CDH4: variants seen among roughly 807,000 people sequenced by gnomAD.
CDH4 encodes the protein cadherin-4.
Under a neutral mutation model 86.0 loss-of-function variants are expected in CDH4, and 33 were observed. The ratio of observed to expected loss-of-function variants is 0.38; its 90% CI spans 0.29 to 0.51. The LOEUF is 0.51. Among genes scored for constraint, CDH4 ranks in the 20% least tolerant of loss-of-function variants. CDH4 has a pLI of 0.86. For synonymous variants in CDH4, 555 were observed against 549.4 expected (o/e 1.01, Z -0.14); for missense variants, 1,114 against 1,307.4 (o/e 0.85, Z 2.28).
At position 61,661,886 on chromosome 20, in the gene CDH4, T is replaced by G. The variant is rs951633610; in HGVS notation, c.170-81677T>G. On this transcript the variant is annotated intron_variant, in intron 2 of 15. Coordinates refer to ENST00000614565, the MANE Select transcript of CDH4 (RefSeq NM_001794.5). ...CATTTAAATGACCTCATTCACTTGATATTGTGCCGCGGTCCTGTAACATGC... is the reference window on the plus strand; with the variant it reads ...CATTTAAATGACCTCATTCACTTGAGATTGTGCCGCGGTCCTGTAACATGC... 5.3e-5 allele frequency among the ~76,000 whole-genome samples: 8 copies of G among 152,242 alleles called. No homozygotes were observed. In the East Asian group the frequency reaches 1.5e-3, roughly 29 times the overall value.
intron 2 of CDH4, among the ~76,000 whole-genome samples, chr20:61,388,619 T>C (rs2084964799): frequency 6.6e-6 from 1 of 152,240 alleles, no homozygotes; most frequent in Non-Finnish European, 1.5e-5. Flanking sequence ...GCTTCTATTC[T>C]GTCGTTAGCG....
intron 2 of CDH4, among the ~76,000 whole-genome samples, chr20:61,604,620 T>C (rs2086628326): frequency 6.6e-6 from 1 of 152,134 alleles, no homozygotes; most frequent in Admixed American, 6.5e-5. Context: ...GGGAGGTGTC[T>C]CGGTGTTTGA....
At chr20:61,553,141 A>T (rs775196271) in intron 2 of CDH4, among the ~76,000 whole-genome samples, 2 of 152,254 alleles carry the variant, frequency 1.3e-5, no homozygotes, top group Non-Finnish European at 2.9e-5. Flanking sequence ...TACAACATAG[A>T]TAAGCATTGG....
intron 2 of CDH4, among the ~76,000 whole-genome samples, chr20:61,671,552 A>G (rs1252817328): frequency 1.3e-5 from 2 of 151,844 alleles, no homozygotes; most frequent in Non-Finnish European, 2.9e-5. Context: ...TGGATGATGA[A>G]TAATAGACGG....
intron 2 of CDH4, among the ~76,000 whole-genome samples, chr20:61,560,215 CT>C (rs1229562896): frequency 1.3e-5 from 2 of 152,168 alleles, no homozygotes; most frequent in Non-Finnish European, 2.9e-5. Flanking sequence ...GTGCTCCCCA[CT>C]TTTATCAAGG....
chr20:61,660,745 G>A (rs74861306), intron 2 of CDH4, among the ~76,000 whole-genome samples: 3,040 of 152,246 alleles, frequency 0.02, 104 homozygotes, highest in African/African-American at 0.069. Context: ...GGTTTTGTTT[G>A]GCTGGCAGTT....
intron 3 of CDH4, among the ~76,000 whole-genome samples, chr20:61,758,969 GCATGGGTGTGCA>G (rs1364397035): frequency 5.9e-5 from 9 of 151,652 alleles, no homozygotes; most frequent in African/African-American, 7.2e-5. Context: ...GCACATGTGC[GCATGGGTGTGCA>G]CATGGGTGTG....
intron 7 of CDH4, among the ~76,000 whole-genome samples, chr20:61,889,946 G>T (rs907100037): frequency 4.0e-5 from 6 of 150,540 alleles, no homozygotes; most frequent in African/African-American, 1.5e-4. Flanking sequence ...ATGAGTGAGT[G>T]GATGGTTGGA....
intron 2 of CDH4, among the ~76,000 whole-genome samples, chr20:61,323,197 A>T (rs1323054441): frequency 3.3e-5 from 5 of 152,120 alleles, no homozygotes; most frequent in African/African-American, 7.2e-5. Context: ...TCCCTAGGGG[A>T]GTGTGCACCT....
chr20:61,514,439 A>G (rs1174691024), intron 2 of CDH4, among the ~76,000 whole-genome samples: 2 of 151,458 alleles, frequency 1.3e-5, no homozygotes, highest in Non-Finnish European at 2.9e-5. Context: ...GGGTTTCCAT[A>G]GGGAACGAAC....
At chr20:61,505,173 TG>T (rs2085731649) in intron 2 of CDH4, among the ~76,000 whole-genome samples, 1 of 152,172 alleles carries the variant, frequency 6.6e-6, no homozygotes. Context: ...TGGTTCATTG[TG>T]GGGTGTTTCA....
intron 6 of CDH4, among the ~76,000 whole-genome samples, chr20:61,868,252 C>T (rs115839365): frequency 1.1e-4 from 16 of 152,130 alleles, no homozygotes; most frequent in Non-Finnish European, 2.1e-4. Flanking sequence ...ATCCTGGGGC[C>T]GTCTGTGTTC....
At chr20:61,859,424 C>G (rs1983217081) in intron 6 of CDH4, among the ~76,000 whole-genome samples, 1 of 152,202 alleles carries the variant, frequency 6.6e-6, no homozygotes, top group Non-Finnish European at 1.5e-5. Context: ...TCCATGCTTC[C>G]TCTTACGGAG....
At chr20:61,670,970 C>T (rs932862470) in intron 2 of CDH4, among the ~76,000 whole-genome samples, 9 of 152,182 alleles carry the variant, frequency 5.9e-5, no homozygotes, top group African/African-American at 1.7e-4. Flanking sequence ...TGTGAGTGTC[C>T]AGGTATAAAC....
chr20:61,870,197 C>G (rs940986930), intron 6 of CDH4, among the ~76,000 whole-genome samples: 2 of 152,214 alleles, frequency 1.3e-5, no homozygotes, highest in Admixed American at 1.3e-4. Context: ...AGCCCTGCTC[C>G]ACCGCTGTCC....
At chr20:61,738,071 G>A (rs1051562660) in intron 2 of CDH4, 1 of 152,150 alleles carries the variant, frequency 6.6e-6, no homozygotes, top group Admixed American at 6.5e-5. Context: ...CACCCTCTGG[G>A]GCCCACCTCC....
intron 2 of CDH4, among the ~76,000 whole-genome samples, chr20:61,599,453 C>G (rs1333893317): frequency 6.6e-6 from 1 of 152,168 alleles, no homozygotes; most frequent in Non-Finnish European, 1.5e-5. Context: ...TGAGTGTGCA[C>G]TCAGCAAGGG....
intron 3 of CDH4, among the ~76,000 whole-genome samples, chr20:61,744,336 G>A (rs762218248): frequency 1.3e-5 from 2 of 151,566 alleles, no homozygotes; most frequent in Non-Finnish European, 2.9e-5. Context: ...GAGAGGTGGA[G>A]AGAGACAGGA....
At chr20:61,303,501 C>G (rs2084397093) in intron 2 of CDH4, among the ~76,000 whole-genome samples, 1 of 152,222 alleles carries the variant, frequency 6.6e-6, no homozygotes, top group Admixed American at 6.5e-5. Context: ...TTCCCCTTCT[C>G]TGCCTCATCC....
Sources: allele counts gnomAD v4.1 joint callset (sites outside exome capture counted in the v4.1 genomes callset), GRCh38; gene constraint gnomAD v4.1.1; transcripts MANE v1.5; gene names NCBI Gene and HGNC (gene_info 2026-07-23, HGNC 2026-07-21).